PCDHGA9: variants seen among roughly 807,000 people sequenced by gnomAD.
The protein encoded by PCDHGA9 is protocadherin gamma-A9.
Under a neutral mutation model 62.5 loss-of-function variants are expected in PCDHGA9, and 37 were observed. The observed-to-expected ratio is 0.59, with a 90% CI of 0.46 to 0.78. PCDHGA9 has a LOEUF of 0.78. Ranked by LOEUF, PCDHGA9 falls within the 30% of genes least tolerant of loss-of-function variation. PCDHGA9 has a pLI of 0.00. For synonymous variants in PCDHGA9, 459 were observed against 484.6 expected, an observed-to-expected ratio of 0.95 and a Z score of 0.69; for missense variants, 1,138 against 1,166.2, an observed-to-expected ratio of 0.98 and a Z score of 0.35.
Position 141,491,947 on chromosome 5 carries a change from C to T in PCDHGA9, c.2425-2860C>T. ...GGGGAGGTGGGACCGACCCCCACCCCTACACTCAAAAAAGGCCGGGGCCTC... is the reference window on the plus strand; with the variant it reads ...GGGGAGGTGGGACCGACCCCCACCCTTACACTCAAAAAAGGCCGGGGCCTC... On this transcript the variant is annotated intron_variant, in intron 1 of 3. Coordinates refer to ENST00000573521, the MANE Select transcript of PCDHGA9 (RefSeq NM_018921.3). The surrounding 1 kb of genome is among the most constrained non-coding windows in gnomAD (Gnocchi z 6.9). 1 of 1,114,210 alleles carries T rather than the reference C, an allele frequency of 9.0e-7. No individual in the cohort carries two copies. The highest frequency in any genetic ancestry group is 1.2e-6 in the Non-Finnish European group (1 of 815,758). 69.0% of individuals were successfully genotyped at this position (1,114,210 alleles called of 1,614,324 possible). A position where few individuals can be genotyped will look rare whatever the true frequency, so the allele number is the denominator to read the frequency against.
At chr5:141,422,963 C>T (rs372620011) in intron 1 of PCDHGA9, 43 of 1,614,120 alleles carry the variant, frequency 2.7e-5, no homozygotes, top group Middle Eastern at 1.6e-4. Context: ...GTGGAGCTGG[C>T]GCCCCGCTCT....
chr5:141,403,279 G>C lies in PCDHGA9; in HGVS notation c.327G>C (p.Leu109=), dbSNP rs779882720. The change falls in exon 1 of 4, where the codon CTG becomes CTC. Residue 109 remains leucine, a synonymous_variant. Transcript: ENST00000573521. ...GGTGTCTGGTGAACTTTAAAGTCCT[G>C]GTTGAAGACAGAGTGAAACTGTACG... ...SPRCLVNFKV[L]VEDRVKLYGI... The C allele has an allele frequency of 6.2e-7, 1 of 1,613,900 alleles. No homozygotes were observed.
At chr5:141,410,676 T>G in intron 1 of PCDHGA9, 1 of 1,550,692 alleles carries the variant, frequency 6.4e-7, no homozygotes, top group African/African-American at 1.4e-5. Flanking sequence ...TTTCTCATAT[T>G]TTAGGCATAC....
intron 1 of PCDHGA9, among the ~76,000 whole-genome samples, chr5:141,483,553 C>G (rs955671854): frequency 2.0e-5 from 3 of 152,230 alleles, no homozygotes; most frequent in Admixed American, 2.0e-4. Context: ...CAGTGCCATT[C>G]ACAGAGACAG....
intron 1 of PCDHGA9, chr5:141,428,361 C>T (rs1285334430): frequency 9.0e-6 from 5 of 556,646 alleles, no homozygotes; most frequent in South Asian, 7.5e-5. Context: ...TTTTGGCGGT[C>T]GCCTTGCACC....
At chr5:141,478,567 C>T (rs371741874) in intron 1 of PCDHGA9, 20 of 1,593,698 alleles carry the variant, frequency 1.3e-5, no homozygotes, top group Non-Finnish European at 1.7e-5. Flanking sequence ...GCAAGTCATG[C>T]TTGACCCTGT....
At chr5:141,430,586 C>G in intron 1 of PCDHGA9, 1 of 517,248 alleles carries the variant, frequency 1.9e-6, no homozygotes, top group Non-Finnish European at 3.1e-6. Context: ...TCCTGCTCGC[C>G]TTGCACGCGC....
At chr5:141,447,371 C>G (rs1180989888) in intron 1 of PCDHGA9, among the ~76,000 whole-genome samples, 1 of 151,826 alleles carries the variant, frequency 6.6e-6, no homozygotes, top group African/African-American at 2.4e-5. Context: ...ACTCCTGACC[C>G]TGGTGATCTG....
At chr5:141,470,838 C>T (rs142581300) in intron 1 of PCDHGA9, among the ~76,000 whole-genome samples, 5 of 152,222 alleles carry the variant, frequency 3.3e-5, no homozygotes, top group African/African-American at 7.2e-5. Flanking sequence ...CAAACACACG[C>T]CACCATGCTC....
chr5:141,432,061 G>T lies in PCDHGA9; in HGVS notation c.2424+26685G>T. On this transcript the variant is annotated intron_variant, in intron 1 of 3. Coordinates refer to ENST00000573521, the MANE Select transcript of PCDHGA9 (RefSeq NM_018921.3). The surrounding 1 kb of genome is among the most constrained non-coding windows in gnomAD (Gnocchi z 6.0). ...ACCGGGGAACCCCGCCCCTATCCAC[G>T]GAAACTCATATCTCGCTGAACGTGG... 1.9e-6 allele frequency: 3 copies of T among 1,614,130 alleles called. No homozygotes were observed. The highest frequency in any genetic ancestry group is 2.5e-6 in the Non-Finnish European group (3 of 1,180,034).
Position 141,491,382 on chromosome 5 carries a change from G to T in PCDHGA9, c.2425-3425G>T, listed in dbSNP as rs918558. 0.21 allele frequency: 331,798 copies of T among 1,613,774 alleles called. 36,318 individuals are homozygous for T. The highest frequency in any genetic ancestry group is 0.37 in the Admixed American group (22,359 of 60,012). ...TAGTCACCTTCACCTTTCTGTCAGC[G>T]AAGTGCCTTCAGGGAAACGCAGACG... is the stretch of plus-strand genomic sequence containing the variant. On this transcript the variant is annotated intron_variant, in intron 1 of 3. Transcript: ENST00000573521. This position sits in a 1 kb window ranked among gnomAD's most constrained non-coding sequence, Gnocchi z 6.9.
rs566838507 is a variant in PCDHGA9, at chr5:141,415,047, G to A, written c.2424+9671G>A. 5 of 1,613,392 alleles carry A rather than the reference G, an allele frequency of 3.1e-6. No homozygotes were observed. The African/African-American group carries it at 5.3e-5, about 17-fold the overall frequency. Reference sequence around the variant, plus strand: ...GCGAGCCGGGACTCTTCGCGGTGGGGGAGCACACGGGCGAGGTGCGCACGG... The same window carrying A: ...GCGAGCCGGGACTCTTCGCGGTGGGAGAGCACACGGGCGAGGTGCGCACGG... On this transcript the variant is annotated intron_variant, in intron 1 of 3. Coordinates refer to ENST00000573521, the MANE Select transcript of PCDHGA9 (RefSeq NM_018921.3).
chr5:141,410,849 CTTTTTTTTT>C (rs759346998), intron 1 of PCDHGA9: 2 of 136,714 alleles, frequency 1.5e-5, no homozygotes, highest in African/African-American at 6.3e-5. Context: ...TTGTCTTTGT[CTTTTTTTTT>C]TTTTTTTTTT....
chr5:141,424,786 T>G (rs1219509852), intron 1 of PCDHGA9: 1 of 152,210 alleles, frequency 6.6e-6, no homozygotes, highest in Non-Finnish European at 1.5e-5. Flanking sequence ...ATTCAGTTCT[T>G]TTATTCAGAC....
At chr5:141,495,779 C>A (rs529564820) in intron 2 of PCDHGA9, among the ~76,000 whole-genome samples, 53 of 152,094 alleles carry the variant, frequency 3.5e-4, no homozygotes, top group Non-Finnish European at 4.6e-4. Flanking sequence ...TCCTGGACCT[C>A]TTTTCTGTTT....
At chr5:141,410,418 T>C (rs2095390746) in intron 1 of PCDHGA9, 26 of 1,614,052 alleles carry the variant, frequency 1.6e-5, no homozygotes, top group Non-Finnish European at 2.2e-5. Context: ...GGACCTGTAG[T>C]TCCCCCCAAC....
chr5:141,478,302 C>T lies in PCDHGA9; in HGVS notation c.2425-16505C>T. On this transcript the variant is annotated intron_variant, in intron 1 of 3. Transcript: ENST00000573521. ...AAGCAGTCTAGAGACCTATACCGAG[C>T]CCCGGTGAGCTCACTGTACCGAACA... 4 of 1,614,070 alleles carry T rather than the reference C, an allele frequency of 2.5e-6. No individual in the cohort carries two copies. Among genetic ancestry groups the T allele is most frequent in the Non-Finnish European group, 3.4e-6 (4 of 1,180,038 alleles).
Position 141,403,069 on chromosome 5 carries a change from A to T in PCDHGA9, c.117A>T (p.Thr39=), listed in dbSNP as rs747569947. The change falls in exon 1 of 4, where the codon ACA becomes ACT. Residue 39 remains threonine (T), a synonymous_variant. Transcript: ENST00000573521. ...TTCGCTACTCAGTGCCTGAAGAGACAGAAAAGGGCTATATTGTGGGCAACA... is the reference window on the plus strand; with the variant it reads ...TTCGCTACTCAGTGCCTGAAGAGACTGAAAAGGGCTATATTGTGGGCAACA... The part of the protein sequence containing the change: ...SQIRYSVPEE[T]EKGYIVGNIS... 6.2e-6 allele frequency: 10 copies of T among 1,613,954 alleles called. No individual in the cohort carries two copies. Among genetic ancestry groups the T allele is most frequent in the Non-Finnish European group, 7.6e-6 (9 of 1,179,918 alleles).
Position 141,497,143 on chromosome 5 carries a change from G to GA in PCDHGA9, c.2483+2287dup, listed in dbSNP as rs928640875. ...AGAGGTTGCAGTGAGCTGAGATCAC[G>GA]AAAAAAAAATAATCTAGCCACAAAT... On this transcript the variant is annotated intron_variant, in intron 2 of 3. Coordinates refer to ENST00000573521, the MANE Select transcript of PCDHGA9 (RefSeq NM_018921.3). 1.3e-3 allele frequency among the ~76,000 whole-genome samples: 194 copies of GA among 150,104 alleles called. 4 individuals are homozygous for GA. The highest frequency in any genetic ancestry group is 7.6e-3 in the Admixed American group (115 of 15,100).
Sources: allele counts gnomAD v4.1 joint callset (sites outside exome capture counted in the v4.1 genomes callset), GRCh38; gene constraint gnomAD v4.1.1; non-coding constraint Gnocchi (gnomAD v3.1); transcripts MANE v1.5; gene names NCBI Gene and HGNC (gene_info 2026-07-23, HGNC 2026-07-21).